NRG3: variants seen among roughly 807,000 people sequenced by gnomAD.
NRG3 encodes pro-neuregulin-3, membrane-bound isoform.
In NRG3, 31 loss-of-function variants were observed where a neutral mutation model predicts 66.9. The observed-to-expected ratio is 0.46, with a 90% CI of 0.35 to 0.63. NRG3 has a LOEUF of 0.63. Ranked by LOEUF, NRG3 falls within the 20% of genes least tolerant of loss-of-function variation. The pLI is 0.00. For synonymous variants in NRG3, 393 were observed against 359.4 expected (o/e 1.09, Z -1.06); for missense variants, 910 against 878.9 (o/e 1.04, Z -0.45).
chr10:82,480,183 T>A (rs1842150648), intron 2 of NRG3, among the ~76,000 whole-genome samples: 1 of 152,152 alleles, frequency 6.6e-6, no homozygotes, highest in Admixed American at 6.5e-5. Flanking sequence ...AGATTAGTGG[T>A]TGTCTAGGAT....
intron 1 of NRG3, among the ~76,000 whole-genome samples, chr10:82,290,575 T>TCAC (rs1440490930): frequency 6.6e-6 from 1 of 152,146 alleles, no homozygotes; most frequent in Admixed American, 6.5e-5. Context: ...TACTTGTATA[T>TCAC]ATTTTATAGC....
At chr10:82,530,531 C>T (rs1041995560) in intron 2 of NRG3, among the ~76,000 whole-genome samples, 10 of 151,896 alleles carry the variant, frequency 6.6e-5, no homozygotes, top group East Asian at 5.8e-4. Context: ...TTAAGTGTTC[C>T]GGAATCATAT....
intron 1 of NRG3, among the ~76,000 whole-genome samples, chr10:82,040,496 C>T (rs956753151): frequency 1.3e-5 from 2 of 150,670 alleles, no homozygotes; most frequent in Middle Eastern, 3.2e-3. Context: ...TCTCTTGGCA[C>T]CCATATATGT....
intron 1 of NRG3, among the ~76,000 whole-genome samples, chr10:82,098,383 C>A (rs1323325426): frequency 1.3e-5 from 2 of 151,796 alleles, no homozygotes. Context: ...AGAAATGAGG[C>A]TTTCTGGAGC....
At position 82,594,520 on chromosome 10, in the gene NRG3, T is replaced by A. The variant is rs544308768; in HGVS notation, c.954-144057T>A. ...TGAACCTAAAACAAATATTTAAATA[T>A]CTCTATTGTTAATGGTTATTTTAAA... On this transcript the variant is annotated intron_variant, in intron 2 of 8. Coordinates refer to ENST00000372141, the MANE Select transcript of NRG3 (RefSeq NM_001010848.4). Among the ~76,000 whole-genome samples the A allele has an allele frequency of 2.6e-5, 4 of 152,232 alleles. No individual in the cohort carries two copies. The East Asian group carries it at 7.7e-4, about 29-fold the overall frequency.
chr10:82,199,029 C>T (rs1349717505), intron 1 of NRG3, among the ~76,000 whole-genome samples: 25 of 147,244 alleles, frequency 1.7e-4, no homozygotes, highest in Non-Finnish European at 2.7e-4. Flanking sequence ...ATTTTCTGGG[C>T]GTGGTTGCAT....
At chr10:82,504,096 T>A (rs1303619267) in intron 2 of NRG3, among the ~76,000 whole-genome samples, 1 of 152,198 alleles carries the variant, frequency 6.6e-6, no homozygotes, top group Non-Finnish European at 1.5e-5. Flanking sequence ...CCATTGATTG[T>A]GACATTATAG....
At chr10:82,732,572 ATC>A (rs2057966183) in intron 2 of NRG3, among the ~76,000 whole-genome samples, 1 of 152,198 alleles carries the variant, frequency 6.6e-6, no homozygotes, top group Non-Finnish European at 1.5e-5. Context: ...ACCTTTCTCA[ATC>A]TCTGTTTCTT....
chr10:81,997,014 G>GT (rs2060964750), intron 1 of NRG3, among the ~76,000 whole-genome samples: 1 of 152,126 alleles, frequency 6.6e-6, no homozygotes, highest in Non-Finnish European at 1.5e-5. Context: ...TAAGGTTTCT[G>GT]TGACTAGCCA....
At chr10:82,824,460 G>C (rs1213256059) in intron 3 of NRG3, among the ~76,000 whole-genome samples, 1 of 152,028 alleles carries the variant, frequency 6.6e-6, no homozygotes, top group Non-Finnish European at 1.5e-5. Context: ...TTTCTGAAGG[G>C]GTTACCCCAT....
intron 2 of NRG3, among the ~76,000 whole-genome samples, chr10:82,708,454 C>G (rs986205952): frequency 4.6e-5 from 7 of 152,154 alleles, no homozygotes; most frequent in African/African-American, 1.7e-4. Context: ...GTGATCCTCA[C>G]TCTCCTCTCA....
chr10:82,958,299 G>C (rs1480439382), intron 5 of NRG3, among the ~76,000 whole-genome samples: 1 of 152,044 alleles, frequency 6.6e-6, no homozygotes, highest in East Asian at 1.9e-4. Flanking sequence ...CTACTTAATG[G>C]GTATAGCATT....
At chr10:82,495,635 G>T (rs540680581) in intron 2 of NRG3, among the ~76,000 whole-genome samples, 2 of 152,022 alleles carry the variant, frequency 1.3e-5, no homozygotes, top group South Asian at 2.1e-4. Flanking sequence ...ACAACTTAAA[G>T]GGTCTTCTTT....
chr10:82,373,594 A>G (rs989531790), intron 2 of NRG3, among the ~76,000 whole-genome samples: 6 of 152,244 alleles, frequency 3.9e-5, no homozygotes, highest in Non-Finnish European at 4.4e-5. Context: ...AACATTCTGC[A>G]GCAGTTATGA....
chr10:82,029,958 T>C (rs190473246), intron 1 of NRG3, among the ~76,000 whole-genome samples: 1 of 152,230 alleles, frequency 6.6e-6, no homozygotes, highest in Admixed American at 6.5e-5. Flanking sequence ...GCCTCCCTCA[T>C]GTTGGCAAAC....
At chr10:82,630,733 A>T (rs375709987) in intron 2 of NRG3, among the ~76,000 whole-genome samples, 1 of 152,260 alleles carries the variant, frequency 6.6e-6, no homozygotes, top group East Asian at 1.9e-4. Flanking sequence ...TTTAATTTTC[A>T]TATGAATCTA....
At position 81,904,908 on chromosome 10, in the gene NRG3, G is replaced by C. The variant is rs1342294277; in HGVS notation, c.823+28745G>C. ...CTGTGAGAATGAAAAGAGATGCAGT[G>C]AGTTGAAACACAGTACCCAGCAAGC... On this transcript the variant is annotated intron_variant, in intron 1 of 8. Coordinates refer to ENST00000372141, the MANE Select transcript of NRG3 (RefSeq NM_001010848.4). 2.6e-5 allele frequency among the ~76,000 whole-genome samples: 4 copies of C among 152,232 alleles called. No homozygotes were observed. In the East Asian group the frequency reaches 5.8e-4, roughly 22 times the overall value.
intron 4 of NRG3, among the ~76,000 whole-genome samples, chr10:82,866,650 G>A (rs1185698767): frequency 1.3e-5 from 2 of 152,114 alleles, no homozygotes; most frequent in Non-Finnish European, 2.9e-5. Flanking sequence ...GAAGCGCGAT[G>A]GAATGTGAGA....
intron 2 of NRG3, among the ~76,000 whole-genome samples, chr10:82,581,599 TG>T (rs1159236089): frequency 6.6e-6 from 1 of 151,944 alleles, no homozygotes; most frequent in African/African-American, 2.4e-5. Flanking sequence ...TATTGTTCTA[TG>T]GGTATAGAGT....
Sources: allele counts gnomAD v4.1 joint callset (sites outside exome capture counted in the v4.1 genomes callset), GRCh38; gene constraint gnomAD v4.1.1; transcripts MANE v1.5; gene names NCBI Gene and HGNC (gene_info 2026-07-23, HGNC 2026-07-21).